The following CDH5 variants were observed in gnomAD, a reference collection of about 807,000 sequenced individuals.
CDH5 encodes cadherin 5, also known as cadherin-5.
Under a neutral mutation model 62.0 loss-of-function variants are expected in CDH5, and 28 were observed. The ratio of observed to expected loss-of-function variants is 0.45; its 90% CI spans 0.33 to 0.62. The LOEUF is 0.62. Ranked by LOEUF, CDH5 falls within the 20% of genes least tolerant of loss-of-function variation. The pLI, the probability that CDH5 is intolerant of heterozygous loss-of-function variation, is 0.02. For synonymous variants in CDH5, 464 were observed against 445.8 expected (o/e 1.04, Z -0.52); for missense variants, 940 against 1,065.1 (o/e 0.88, Z 1.63).
At chr16:66,381,117 AG>A (rs1960890985) in intron 2 of CDH5, among the ~76,000 whole-genome samples, 1 of 152,200 alleles carries the variant, frequency 6.6e-6, no homozygotes, top group Non-Finnish European at 1.5e-5. Flanking sequence ...ATTGTGCTGA[AG>A]ATGAAGTTAA....
At chr16:66,375,037 T>C (rs1960760530) in intron 1 of CDH5, among the ~76,000 whole-genome samples, 2 of 152,194 alleles carry the variant, frequency 1.3e-5, no homozygotes, top group South Asian at 4.1e-4. Context: ...GATTTCGCTG[T>C]TGTGCAAACA....
chr16:66,385,958 G>A (rs562321537), intron 2 of CDH5, among the ~76,000 whole-genome samples: 34 of 152,320 alleles, frequency 2.2e-4, no homozygotes, highest in African/African-American at 7.5e-4. Flanking sequence ...CCATCTTTGC[G>A]TGGAACAGCA....
At chr16:66,392,637 A>G (rs1961109439) in intron 7 of CDH5, 1 of 514,416 alleles carries the variant, frequency 1.9e-6, no homozygotes, top group Admixed American at 3.2e-5. Flanking sequence ...TTGAAGGCTT[A>G]TTCTCTGCAC....
intron 1 of CDH5, among the ~76,000 whole-genome samples, chr16:66,373,986 G>C (rs956985127): frequency 6.6e-6 from 1 of 152,112 alleles, no homozygotes; most frequent in Non-Finnish European, 1.5e-5. Flanking sequence ...CACAGAGATA[G>C]AGAGAGTGGC....
chr16:66,379,094 T>G, intron 1 of CDH5: 1 of 525,778 alleles, frequency 1.9e-6, no homozygotes, highest in Non-Finnish European at 3.3e-6. Flanking sequence ...TGTAGGGAAA[T>G]TTATCTTAAA....
intron 1 of CDH5, among the ~76,000 whole-genome samples, chr16:66,374,763 C>T (rs1367823887): frequency 1.3e-5 from 2 of 150,586 alleles, no homozygotes; most frequent in Admixed American, 6.6e-5. Context: ...TGACCGTCTT[C>T]ACCCTGAAAT....
intron 11 of CDH5, among the ~76,000 whole-genome samples, chr16:66,402,223 G>T (rs560846530): frequency 8.6e-5 from 13 of 151,202 alleles, no homozygotes; most frequent in East Asian, 3.9e-4. Context: ...AAGCTAGAAG[G>T]CCTGAGCCTA....
chr16:66,376,173 A>AT (rs1369131338), intron 1 of CDH5, among the ~76,000 whole-genome samples: 4 of 152,158 alleles, frequency 2.6e-5, no homozygotes, highest in Non-Finnish European at 4.4e-5. Context: ...CTAATATAAC[A>AT]TTTTTTATAA....
intron 2 of CDH5, among the ~76,000 whole-genome samples, chr16:66,385,517 A>C (rs554920163): frequency 1.4e-4 from 22 of 152,318 alleles, no homozygotes; most frequent in Non-Finnish European, 2.8e-4. Flanking sequence ...TACTGGGCCC[A>C]GGGGTGTGCT....
At chr16:66,382,792 C>T (rs146862304) in intron 2 of CDH5, among the ~76,000 whole-genome samples, 6 of 152,278 alleles carry the variant, frequency 3.9e-5, no homozygotes, top group Non-Finnish European at 5.9e-5. Flanking sequence ...GGATCACCTC[C>T]GGCTCCTGAG....
intron 1 of CDH5, among the ~76,000 whole-genome samples, chr16:66,372,645 G>A (rs1238915236): frequency 2.0e-5 from 3 of 152,186 alleles, no homozygotes; most frequent in Admixed American, 2.0e-4. Flanking sequence ...CTTGGCCTAG[G>A]TGTCTAGGTT....
Position 66,398,059 on chromosome 16 carries a change from G to A in CDH5, c.1438G>A (p.Ala480Thr). ...TGAGAATGACAATGCCCCGGAGTTT[G>A]CCAAGCCCTACCAGCCCAAAGTGTG... ...LDENDNAPEF[A>T]KPYQPKVCEN... The change falls in exon 9 of 12, where the codon GCC (alanine) becomes ACC (threonine). Residue 480 changes from alanine to threonine, a missense_variant. Ala to Thr is a moderately conservative substitution (Grantham distance 58). Coordinates refer to ENST00000341529, the MANE Select transcript of CDH5 (RefSeq NM_001795.5). The A allele has an allele frequency of 6.2e-7, 1 of 1,614,192 alleles. No homozygotes were observed. Among genetic ancestry groups the A allele is most frequent in the Non-Finnish European group, 8.5e-7 (1 of 1,180,032 alleles).
At chr16:66,367,778 C>A (rs1325782031) in intron 1 of CDH5, among the ~76,000 whole-genome samples, 2 of 152,106 alleles carry the variant, frequency 1.3e-5, no homozygotes, top group Non-Finnish European at 2.9e-5. Context: ...TACTCCAAAG[C>A]CCCAGCTCTC....
In CDH5 at chr16:66,389,417, G is replaced by C. The variant is rs140053187; in HGVS notation, c.676G>C (p.Val226Leu). ...AGAGAAGCAGGCCAGGTATGAGATC[G>C]TGGTGGAAGCGCGAGATGCCCAGGG... ...DREKQARYEI[V>L]VEARDAQGLR... Residue 226 changes from valine to leucine, a missense_variant, in exon 5 of 12, where the codon GTG becomes CTG. Transcript: ENST00000341529. The C allele has an allele frequency of 5.0e-5, 80 of 1,613,562 alleles. 1 individual carries two copies. The South Asian group carries it at 7.9e-4, about 16-fold the overall frequency.
intron 2 of CDH5, among the ~76,000 whole-genome samples, chr16:66,386,015 A>C (rs34048038): frequency 0.12 from 17,533 of 152,206 alleles, 1,143 homozygotes; most frequent in Middle Eastern, 0.23. Flanking sequence ...GTGCTGTTCT[A>C]CTCCTCAGAG....
chr16:66,379,214 A>G, intron 1 of CDH5, 105 bp from the exon 2 acceptor site: 1 of 816,396 alleles, frequency 1.2e-6, no homozygotes, highest in South Asian at 1.7e-5. Flanking sequence ...TGTTTGCCCC[A>G]GGCTTTTGGC....
At chr16:66,400,663 C>G in intron 10 of CDH5, 108 bp from the exon 11 acceptor site, 1 of 1,343,564 alleles carries the variant, frequency 7.4e-7, no homozygotes, top group East Asian at 2.3e-5. Context: ...AGAAAAGCAG[C>G]CCAGGGAGCA....
chr16:66,382,708 TC>T (rs1260246686), intron 2 of CDH5, among the ~76,000 whole-genome samples: 8 of 152,064 alleles, frequency 5.3e-5, no homozygotes, highest in African/African-American at 1.9e-4. Context: ...GGGCTGGGTC[TC>T]CGAGGAACCA....
chr16:66,372,247 C>T (rs749685299), intron 1 of CDH5, among the ~76,000 whole-genome samples: 3 of 152,260 alleles, frequency 2.0e-5, no homozygotes, highest in Non-Finnish European at 4.4e-5. Flanking sequence ...CGGCATCCCT[C>T]TCTCCCACGG....
Sources: allele counts gnomAD v4.1 joint callset (sites outside exome capture counted in the v4.1 genomes callset), GRCh38; gene constraint gnomAD v4.1.1; transcripts MANE v1.5; gene names NCBI Gene and HGNC (gene_info 2026-07-23, HGNC 2026-07-21).